PRTFDC1: variants seen among roughly 807,000 people sequenced by gnomAD.
PRTFDC1 encodes the protein phosphoribosyltransferase domain-containing protein 1.
A neutral mutation model predicts 34.6 loss-of-function variants in PRTFDC1; 38 were observed. The observed-to-expected ratio is 1.10, with a 90% CI of 0.85 to 1.44. The LOEUF is 1.44. Ranked by LOEUF, PRTFDC1 falls within the 40% of genes most tolerant of loss-of-function variation. The pLI, the probability that PRTFDC1 is intolerant of heterozygous loss-of-function variation, is 0.00. For missense variants in PRTFDC1, 270 were observed against 283.0 expected (o/e 0.95, Z 0.33); for synonymous variants, 93 against 98.1 (o/e 0.95, Z 0.31).
At chr10:24,906,376 G>T (rs1017259664) in intron 3 of PRTFDC1, among the ~76,000 whole-genome samples, 40 of 152,204 alleles carry the variant, frequency 2.6e-4, no homozygotes, top group African/African-American at 9.6e-4. Flanking sequence ...GATACCCCTG[G>T]ACCCCCAGCT....
chr10:24,862,725 T>C (rs1847703108), intron 4 of PRTFDC1, among the ~76,000 whole-genome samples: 1 of 152,168 alleles, frequency 6.6e-6, no homozygotes, highest in Non-Finnish European at 1.5e-5. Context: ...CAACCCTGTG[T>C]TGAGCACGTG....
At chr10:24,903,513 G>A (rs1044353909) in intron 3 of PRTFDC1, among the ~76,000 whole-genome samples, 1 of 152,144 alleles carries the variant, frequency 6.6e-6, no homozygotes, top group East Asian at 1.9e-4. Context: ...AATAGGCACA[G>A]CCCTAGTTCC....
rs1020454850 is a variant in PRTFDC1, at chr10:24,934,618, C to T, written c.339+2566G>A. Among the ~76,000 whole-genome samples, 99 of 152,284 alleles carry T rather than the reference C, an allele frequency of 6.5e-4. 1 individual carries two copies. The highest frequency in any genetic ancestry group is 2.3e-3 in the African/African-American group (96 of 41,560). On this transcript the variant is annotated intron_variant, in intron 3 of 8. Transcript: ENST00000320152. ...GACATTCCTTTCTATTGATAATAAC[C>T]CTTGCAACCAATTGCCAATCAGAAC...
chr10:24,868,295 T>C lies in PRTFDC1; in HGVS notation c.405+3703A>G, dbSNP rs1847819948. 4 of 152,122 alleles carry C rather than the reference T, an allele frequency of 2.6e-5. No individual in the cohort carries two copies. The South Asian group carries it at 6.2e-4, about 24-fold the overall frequency. 9.4% of individuals were successfully genotyped at this position (152,122 alleles called of 1,614,324 possible). On this transcript the variant is annotated intron_variant, in intron 4 of 8. Coordinates refer to ENST00000320152, the MANE Select transcript of PRTFDC1 (RefSeq NM_020200.7). Reference sequence around the variant, plus strand: ...CCCCTCTCTAAGACTATCTGAATCCTAAGGAATCCTTCATTCTTTGGATTT... The same window carrying C: ...CCCCTCTCTAAGACTATCTGAATCCCAAGGAATCCTTCATTCTTTGGATTT...
chr10:24,920,391 G>A (rs1442051470), intron 3 of PRTFDC1, among the ~76,000 whole-genome samples: 1 of 152,100 alleles, frequency 6.6e-6, no homozygotes, highest in South Asian at 2.1e-4. Flanking sequence ...AGGAACATAG[G>A]TGGAGCTTGA....
intron 4 of PRTFDC1, among the ~76,000 whole-genome samples, chr10:24,860,967 A>G (rs565524181): frequency 6.6e-6 from 1 of 152,344 alleles, no homozygotes; most frequent in Non-Finnish European, 1.5e-5. Flanking sequence ...AAAATGTGTT[A>G]GTCTGCATTC....
chr10:24,872,808 T>TATATATATA (rs1565261776), intron 3 of PRTFDC1, among the ~76,000 whole-genome samples: 9 of 65,798 alleles, frequency 1.4e-4, no homozygotes, highest in African/African-American at 8.2e-4. Context: ...ATATATATAT[T>TATATATATA]TTTTTTTTTT....
intron 3 of PRTFDC1, among the ~76,000 whole-genome samples, chr10:24,898,438 C>T (rs1886994): frequency 0.12 from 15,990 of 135,452 alleles, 1,083 homozygotes; most frequent in East Asian, 0.29. Flanking sequence ...TACTCCGGCC[C>T]GGGTGACAGA....
At chr10:24,851,304 A>G in intron 8 of PRTFDC1, 84 bp downstream of exon 8, 1 of 1,531,768 alleles carries the variant, frequency 6.5e-7, no homozygotes, top group East Asian at 2.3e-5. Context: ...TCAATAGCAG[A>G]CATCACTAAC....
Position 24,952,514 on chromosome 10 carries a change from G to A in PRTFDC1, c.48+14C>T. ...GGAGCGGGCCGAGCCCCAAAATAGGGAGTTTGCATTTACCACGACGCCTCG... is the reference window on the plus strand; with the variant it reads ...GGAGCGGGCCGAGCCCCAAAATAGGAAGTTTGCATTTACCACGACGCCTCG... On this transcript the variant is annotated intron_variant, in intron 1 of 8. Coordinates refer to ENST00000320152, the MANE Select transcript of PRTFDC1 (RefSeq NM_020200.7). This position sits in a 1 kb window ranked among gnomAD's most constrained non-coding sequence, Gnocchi z 5.1. 6.3e-7 allele frequency: 1 copy of A among 1,582,648 alleles called. No individual in the cohort carries two copies. The highest frequency in any genetic ancestry group is 1.2e-5 in the South Asian group (1 of 86,410).
chr10:24,880,013 G>A (rs1005054333), intron 3 of PRTFDC1, among the ~76,000 whole-genome samples: 3 of 152,074 alleles, frequency 2.0e-5, no homozygotes, highest in African/African-American at 4.8e-5. Flanking sequence ...CCTGGGTTCC[G>A]GCCACAGCTC....
chr10:24,940,717 T>C (rs1309479878), intron 2 of PRTFDC1, among the ~76,000 whole-genome samples: 1 of 152,200 alleles, frequency 6.6e-6, no homozygotes, highest in Non-Finnish European at 1.5e-5. Flanking sequence ...AAAAGATATG[T>C]CCACACAAAA....
chr10:24,927,740 T>C (rs1964149), intron 3 of PRTFDC1, among the ~76,000 whole-genome samples: 52,486 of 151,268 alleles, frequency 0.35, 11,128 homozygotes, highest in African/African-American at 0.6. Context: ...CACCACCACG[T>C]CCAGCTAATT....
At chr10:24,917,726 C>T (rs1848717263) in intron 3 of PRTFDC1, among the ~76,000 whole-genome samples, 1 of 152,170 alleles carries the variant, frequency 6.6e-6, no homozygotes, top group Non-Finnish European at 1.5e-5. Flanking sequence ...AGTGGATTCC[C>T]ATGGAGACAG....
chr10:24,860,306 G>A (rs1390407726), intron 4 of PRTFDC1, among the ~76,000 whole-genome samples: 1 of 152,064 alleles, frequency 6.6e-6, no homozygotes, highest in Non-Finnish European at 1.5e-5. Flanking sequence ...ACTTGAAACC[G>A]GGAGGCGGAG....
intron 2 of PRTFDC1, among the ~76,000 whole-genome samples, chr10:24,937,834 A>C (rs1343855932): frequency 1.3e-5 from 2 of 152,042 alleles, no homozygotes; most frequent in East Asian, 3.9e-4. Context: ...CTGGGATTAC[A>C]GGCATGAGCC....
At chr10:24,865,183 A>G (rs1847755008) in intron 4 of PRTFDC1, among the ~76,000 whole-genome samples, 1 of 152,174 alleles carries the variant, frequency 6.6e-6, no homozygotes, top group Non-Finnish European at 1.5e-5. Flanking sequence ...TAGGTACTCA[A>G]GAAATACCTG....
chr10:24,936,761 A>G (rs1490154507), intron 3 of PRTFDC1, among the ~76,000 whole-genome samples: 1 of 152,048 alleles, frequency 6.6e-6, no homozygotes, highest in Non-Finnish European at 1.5e-5. Flanking sequence ...CCAGGCCACA[A>G]CTGCAGCCAC....
Position 24,855,305 on chromosome 10 carries a change from GA to G in PRTFDC1, c.553+12del. On this transcript the variant is annotated intron_variant, in intron 7 of 8. Coordinates refer to ENST00000320152, the MANE Select transcript of PRTFDC1 (RefSeq NM_020200.7). Reference sequence around the variant, plus strand: ...CAAACAAACAAACAAACAAAAAACTGAAAAACACTTACAGTCAGGTCTAAAG... The same window carrying G: ...CAAACAAACAAACAAACAAAAAACTGAAAACACTTACAGTCAGGTCTAAAG... 6.2e-7 allele frequency: 1 copy of G among 1,610,462 alleles called. No individual in the cohort carries two copies. The highest frequency in any genetic ancestry group is 8.5e-7 in the Non-Finnish European group (1 of 1,177,780).
Sources: allele counts gnomAD v4.1 joint callset (sites outside exome capture counted in the v4.1 genomes callset), GRCh38; gene constraint gnomAD v4.1.1; non-coding constraint Gnocchi (gnomAD v3.1); transcripts MANE v1.5; gene names NCBI Gene and HGNC (gene_info 2026-07-23, HGNC 2026-07-21).